PHTF2: variants seen among roughly 807,000 people sequenced by gnomAD.
The protein encoded by PHTF2 is protein PHTF2.
Under a neutral mutation model 101.2 loss-of-function variants are expected in PHTF2, and 60 were observed. The observed-to-expected ratio is 0.59, with a 90% CI of 0.48 to 0.73. The LOEUF (loss-of-function observed/expected upper bound fraction) is 0.73, where lower values mean the gene tolerates loss of function less well. PHTF2 is among the 30% of genes least tolerant of loss of function. PHTF2 has a pLI of 0.00. For synonymous variants in PHTF2, 311 were observed against 307.3 expected (o/e 1.01, Z -0.13); for missense variants, 747 against 908.7 (o/e 0.82, Z 2.29).
intron 3 of PHTF2, among the ~76,000 whole-genome samples, chr7:77,856,556 A>G (rs1341734685): frequency 2.0e-5 from 3 of 152,150 alleles, no homozygotes; most frequent in Non-Finnish European, 1.5e-5. Context: ...GGGTCTTGCT[A>G]TATTCCCCAG....
At chr7:77,908,754 A>T (rs1222727244) in intron 7 of PHTF2, 39 bp from the exon 7 acceptor site, 5 of 1,326,880 alleles carry the variant, frequency 3.8e-6, no homozygotes, top group Non-Finnish European at 1.0e-6. Context: ...GGTGACTATC[A>T]GATCTATAAT....
chr7:77,898,701 C>T (rs1483645390), intron 5 of PHTF2, among the ~76,000 whole-genome samples: 1 of 152,132 alleles, frequency 6.6e-6, no homozygotes, highest in Non-Finnish European at 1.5e-5. Context: ...TTTAAAGACA[C>T]CTTATTTAAT....
intron 3 of PHTF2, among the ~76,000 whole-genome samples, chr7:77,866,580 G>A (rs1035216487): frequency 3.3e-5 from 5 of 151,880 alleles, no homozygotes; most frequent in African/African-American, 9.7e-5. Flanking sequence ...AAAACCTGAC[G>A]TCTCTTAAAG....
chr7:77,919,399 G>C (rs1173817151), intron 9 of PHTF2, among the ~76,000 whole-genome samples: 1 of 152,028 alleles, frequency 6.6e-6, no homozygotes, highest in Admixed American at 6.5e-5. Flanking sequence ...AAAAATTCAA[G>C]GGAATTTATT....
chr7:77,932,657 T>TGTGTGTGTGTG (rs1562962476), intron 12 of PHTF2, among the ~76,000 whole-genome samples: 8 of 149,200 alleles, frequency 5.4e-5, no homozygotes, highest in African/African-American at 7.4e-5. Flanking sequence ...TGTGTGTGTG[T>TGTGTGTGTGTG]TCAAGCCAAT....
chr7:77,865,650 A>G (rs1797995315), intron 3 of PHTF2, among the ~76,000 whole-genome samples: 1 of 152,176 alleles, frequency 6.6e-6, no homozygotes. Flanking sequence ...AGTAAGAATC[A>G]TTATCTTTAT....
At chr7:77,939,324 G>A (rs1045169661) in intron 13 of PHTF2, among the ~76,000 whole-genome samples, 1 of 152,010 alleles carries the variant, frequency 6.6e-6, no homozygotes, top group Non-Finnish European at 1.5e-5. Flanking sequence ...AAATGTAAGC[G>A]GCTGGGTGTG....
chr7:77,915,995 G>A (rs1397237464), intron 9 of PHTF2, among the ~76,000 whole-genome samples: 1 of 151,834 alleles, frequency 6.6e-6, no homozygotes, highest in Non-Finnish European at 1.5e-5. Context: ...GTGTGTGTGT[G>A]TGTGTGTGTG....
At position 77,810,175 on chromosome 7, in the gene PHTF2, G is replaced by GAT. The variant is rs774312796; in HGVS notation, c.-36+11214_-36+11215dup. On this transcript the variant is annotated intron_variant, in intron 1 of 19. Transcript: ENST00000416283. ...TATTTGCTTTATCATTTTCTTTCTC[G>GAT]ATATATATATAGGTACATATGTATT... 2.3e-4 allele frequency among the ~76,000 whole-genome samples: 35 copies of GAT among 151,594 alleles called. 1 individual carries two copies. The highest frequency in any genetic ancestry group is 1.5e-3 in the East Asian group (8 of 5,166).
chr7:77,872,900 G>A (rs1030200878), intron 3 of PHTF2, among the ~76,000 whole-genome samples: 15 of 151,892 alleles, frequency 9.9e-5, no homozygotes, highest in African/African-American at 3.6e-4. Flanking sequence ...CTTTTAATCC[G>A]GATTTCAGCA....
At chr7:77,954,612 GTATATATA>G (rs66540211) in intron 19 of PHTF2, among the ~76,000 whole-genome samples, 9,032 of 90,220 alleles carry the variant, frequency 0.1, 434 homozygotes, top group Non-Finnish European at 0.13. Context: ...CAAGTACTGT[GTATATATA>G]TATATATATA....
intron 7 of PHTF2, among the ~76,000 whole-genome samples, chr7:77,908,527 C>A (rs778047610): frequency 3.3e-5 from 5 of 152,072 alleles, no homozygotes; most frequent in Non-Finnish European, 7.4e-5. Context: ...GATTCATATG[C>A]ATCTAATTTA....
At chr7:77,943,963 C>A (rs1805841976) in intron 16 of PHTF2, among the ~76,000 whole-genome samples, 1 of 152,052 alleles carries the variant, frequency 6.6e-6, no homozygotes, top group Non-Finnish European at 1.5e-5. Context: ...GATTGCACCA[C>A]TGCACTCCAG....
chr7:77,889,657 C>A (rs1410562313), intron 3 of PHTF2, among the ~76,000 whole-genome samples: 1 of 123,174 alleles, frequency 8.1e-6, no homozygotes, highest in Non-Finnish European at 1.6e-5. Context: ...GTGGTGTGAT[C>A]TCGGCTCACT....
rs1280250134 is a variant in PHTF2, at chr7:77,953,905, G to C, written c.2337+11G>C. 1 of 1,611,882 alleles carries C rather than the reference G, an allele frequency of 6.2e-7. No homozygotes were observed. The highest frequency in any genetic ancestry group is 1.1e-5 in the South Asian group (1 of 90,742). ...GGATTTAATTTAAAGGTAAGAGGTTGCAAGTACTTTTTATTTCTTAGTTTC... is the reference window on the plus strand; with the variant it reads ...GGATTTAATTTAAAGGTAAGAGGTTCCAAGTACTTTTTATTTCTTAGTTTC... On this transcript the variant is annotated intron_variant, in intron 19 of 19. Coordinates refer to ENST00000416283, the Ensembl canonical transcript of PHTF2.
chr7:77,863,104 A>G (rs1035773444), intron 3 of PHTF2, among the ~76,000 whole-genome samples: 19 of 152,318 alleles, frequency 1.2e-4, no homozygotes, highest in African/African-American at 2.9e-4. Context: ...CCCTGAATCA[A>G]TATCCTTATT....
intron 13 of PHTF2, among the ~76,000 whole-genome samples, chr7:77,938,457 G>GC (rs1424949102): frequency 7.9e-5 from 12 of 152,222 alleles, no homozygotes; most frequent in African/African-American, 2.9e-4. Context: ...TTGGCCGGGC[G>GC]CGGTGGCTCA....
chr7:77,892,280 A>C (rs1477378482), intron 3 of PHTF2, among the ~76,000 whole-genome samples: 2 of 152,064 alleles, frequency 1.3e-5, no homozygotes, highest in African/African-American at 4.8e-5. Context: ...ACAGAGCGAG[A>C]CTCTATCTCA....
intron 3 of PHTF2, among the ~76,000 whole-genome samples, chr7:77,884,134 A>G (rs1399010086): frequency 2.6e-5 from 4 of 152,354 alleles, no homozygotes; most frequent in East Asian, 3.9e-4. Flanking sequence ...AAATATTAAA[A>G]GCTGGGGAAA....
Sources: allele counts gnomAD v4.1 joint callset (sites outside exome capture counted in the v4.1 genomes callset), GRCh38; gene constraint gnomAD v4.1.1; transcripts MANE v1.5; gene names NCBI Gene and HGNC (gene_info 2026-07-23, HGNC 2026-07-21).